NXPH2: variants seen among roughly 807,000 people sequenced by gnomAD.
NXPH2 encodes neurexophilin 2, also known as neurexophilin-2.
NXPH2 carries 5 observed loss-of-function variants against 19.8 expected under a neutral mutation model. The observed-to-expected ratio is 0.25, with a 90% CI of 0.13 to 0.53. NXPH2 has a LOEUF of 0.53. Among genes scored for constraint, NXPH2 ranks in the 20% least tolerant of loss-of-function variants. The probability of loss-of-function intolerance (pLI) is 0.96; values close to 1 mark genes in which losing one functional copy is unlikely to be tolerated. For synonymous variants in NXPH2, 154 were observed against 127.4 expected, an observed-to-expected ratio of 1.21 and a Z score of -1.41; for missense variants, 289 against 322.8, an observed-to-expected ratio of 0.90 and a Z score of 0.80.
At chr2:138,680,104 C>A (rs1680550294) in intron 1 of NXPH2, among the ~76,000 whole-genome samples, 1 of 152,104 alleles carries the variant, frequency 6.6e-6, no homozygotes, top group African/African-American at 2.4e-5. Flanking sequence ...GAGACAGGAA[C>A]AGAAGTGCTT....
chr2:138,774,585 G>T (rs1682230603), intron 1 of NXPH2, among the ~76,000 whole-genome samples: 1 of 152,154 alleles, frequency 6.6e-6, no homozygotes, highest in South Asian at 2.1e-4. Flanking sequence ...TATCTACTTT[G>T]TCATTATTGA....
At chr2:138,685,264 A>G (rs1269565997) in intron 1 of NXPH2, among the ~76,000 whole-genome samples, 2 of 152,174 alleles carry the variant, frequency 1.3e-5, no homozygotes, top group African/African-American at 4.8e-5. Flanking sequence ...GAACTTGTCA[A>G]TCCCTATAAT....
At chr2:138,677,703 G>GTAGT (rs1194635271) in intron 1 of NXPH2, among the ~76,000 whole-genome samples, 1 of 152,186 alleles carries the variant, frequency 6.6e-6, no homozygotes, top group Non-Finnish European at 1.5e-5. Flanking sequence ...TAGCAGATGT[G>GTAGT]AGACCTGTCA....
intron 1 of NXPH2, among the ~76,000 whole-genome samples, chr2:138,704,243 G>A (rs1206946598): frequency 6.6e-6 from 1 of 152,144 alleles, no homozygotes; most frequent in East Asian, 1.9e-4. Flanking sequence ...AATACTAGTA[G>A]ATATACCATC....
intron 1 of NXPH2, among the ~76,000 whole-genome samples, chr2:138,750,168 A>G (rs919125467): frequency 2.0e-5 from 3 of 152,144 alleles, no homozygotes; most frequent in African/African-American, 4.8e-5. Flanking sequence ...CTTCCAAAAT[A>G]CAAGTCTTCT....
chr2:138,745,498 G>T (rs74668936), intron 1 of NXPH2, among the ~76,000 whole-genome samples: 2 of 79,232 alleles, frequency 2.5e-5, no homozygotes, highest in Admixed American at 1.8e-4. Context: ...TTTGGCGGGG[G>T]GGGGGGGGTG....
chr2:138,776,767 T>C (rs1682269900), intron 1 of NXPH2, among the ~76,000 whole-genome samples: 1 of 152,052 alleles, frequency 6.6e-6, no homozygotes, highest in African/African-American at 2.4e-5. Flanking sequence ...TATCAATTCT[T>C]GTAAGTACAG....
intron 1 of NXPH2, among the ~76,000 whole-genome samples, chr2:138,724,841 T>C (rs915097482): frequency 5.9e-5 from 9 of 152,386 alleles, no homozygotes; most frequent in Non-Finnish European, 4.4e-5. Flanking sequence ...CAACATGCTT[T>C]ATGCTCCATG....
rs1446237464 is a variant in NXPH2, at chr2:138,728,154, C to T, written c.51+52037G>A. Among the ~76,000 whole-genome samples the T allele has an allele frequency of 1.7e-4, 6 of 35,484 alleles. No homozygotes were observed. In the South Asian group the frequency reaches 6.1e-3, roughly 36 times the overall value. 23.3% of individuals were successfully genotyped at this position (35,484 alleles called of 152,430 possible). A position where few individuals can be genotyped will look rare whatever the true frequency, so the allele number is the denominator to read the frequency against. ...CTTAAGAGAAGAAGACACCAGAGTG[C>T]GCTCTCTCTCTCTCTCTCTCTCTCT... On this transcript the variant is annotated intron_variant, in intron 1 of 1. Coordinates refer to ENST00000272641, the MANE Select transcript of NXPH2 (RefSeq NM_007226.3).
At chr2:138,680,310 G>A (rs1261383138) in intron 1 of NXPH2, among the ~76,000 whole-genome samples, 6 of 152,234 alleles carry the variant, frequency 3.9e-5, no homozygotes, top group Non-Finnish European at 8.8e-5. Context: ...GTGAATTAGA[G>A]TGAGGCTTGT....
chr2:138,765,231 T>C (rs973577350), intron 1 of NXPH2, among the ~76,000 whole-genome samples: 2 of 152,208 alleles, frequency 1.3e-5, no homozygotes, highest in South Asian at 2.1e-4. Flanking sequence ...ACACACTCAC[T>C]GTGAAGGGTA....
chr2:138,747,198 C>A (rs1489279889), intron 1 of NXPH2, among the ~76,000 whole-genome samples: 1 of 152,082 alleles, frequency 6.6e-6, no homozygotes, highest in Non-Finnish European at 1.5e-5. Flanking sequence ...TGAGGGTGGA[C>A]AAAGTTGACA....
rs1296997573 is a variant in NXPH2 at position 138,714,249 on chromosome 2, A to G, written c.52-42584T>C. Among the ~76,000 whole-genome samples, 3 of 152,298 alleles carry G rather than the reference A, an allele frequency of 2.0e-5. No homozygotes were observed. The East Asian group carries it at 5.8e-4, about 29-fold the overall frequency. On this transcript the variant is annotated intron_variant, in intron 1 of 1. Coordinates refer to ENST00000272641, the MANE Select transcript of NXPH2 (RefSeq NM_007226.3). Reference sequence around the variant, plus strand: ...CATGCTAAGCAAAAGAGCAAATAAAATCTCAGCATAAGATCCCTACAAGTA... The same window carrying G: ...CATGCTAAGCAAAAGAGCAAATAAAGTCTCAGCATAAGATCCCTACAAGTA...
intron 1 of NXPH2, among the ~76,000 whole-genome samples, chr2:138,698,012 A>G (rs1324900396): frequency 6.6e-6 from 1 of 152,120 alleles, no homozygotes; most frequent in Non-Finnish European, 1.5e-5. Flanking sequence ...ATATGCACCA[A>G]AAAACCTTAA....
intron 1 of NXPH2, among the ~76,000 whole-genome samples, chr2:138,704,290 T>C (rs968200995): frequency 2.0e-5 from 3 of 152,228 alleles, no homozygotes; most frequent in Non-Finnish European, 4.4e-5. Context: ...GACTGACAGA[T>C]ATAACCCAGG....
At chr2:138,691,480 T>G (rs1285671900) in intron 1 of NXPH2, among the ~76,000 whole-genome samples, 1 of 152,190 alleles carries the variant, frequency 6.6e-6, no homozygotes, top group African/African-American at 2.4e-5. Flanking sequence ...TCTGATAGTT[T>G]TCCTGAGTCT....
chr2:138,692,039 C>T (rs1457572798), intron 1 of NXPH2, among the ~76,000 whole-genome samples: 1 of 152,154 alleles, frequency 6.6e-6, no homozygotes, highest in Non-Finnish European at 1.5e-5. Context: ...GTAGTAGCTA[C>T]AATGTACAGG....
chr2:138,695,685 G>A (rs546687111), intron 1 of NXPH2, among the ~76,000 whole-genome samples: 2 of 151,950 alleles, frequency 1.3e-5, no homozygotes, highest in East Asian at 3.9e-4. Flanking sequence ...ATATAAACAT[G>A]GTAGAAAAAA....
At chr2:138,742,890 G>A (rs1003678683) in intron 1 of NXPH2, among the ~76,000 whole-genome samples, 6 of 152,096 alleles carry the variant, frequency 3.9e-5, no homozygotes, top group African/African-American at 9.7e-5. Flanking sequence ...AGATATAGTC[G>A]TGATTAAAAA....
Sources: gnomAD v4.1 joint callset for allele counts (sites outside exome capture counted in the v4.1 genomes callset) on GRCh38, gnomAD v4.1.1 for gene constraint, MANE v1.5 for transcripts, NCBI Gene and HGNC (gene_info 2026-07-23, HGNC 2026-07-21) for gene names.